Variants in PCDHA1 observed in about 807,000 individuals in gnomAD.
The protein encoded by PCDHA1 is protocadherin alpha 1, also known as protocadherin alpha-1.
Under a neutral mutation model 61.3 loss-of-function variants are expected in PCDHA1, and 42 were observed. The observed-to-expected ratio is 0.69, with a 90% CI of 0.54 to 0.89. PCDHA1 has a LOEUF of 0.89. Ranked by LOEUF, PCDHA1 falls within the 40% of genes least tolerant of loss-of-function variation. The probability of loss-of-function intolerance (pLI) is 0.00; values close to 1 mark genes in which losing one functional copy is unlikely to be tolerated. For missense variants in PCDHA1, 1,256 were observed against 1,235.3 expected, an observed-to-expected ratio of 1.02 and a Z score of -0.25; for synonymous variants, 610 against 553.8, an observed-to-expected ratio of 1.10 and a Z score of -1.43.
intron 3 of PCDHA1, among the ~76,000 whole-genome samples, chr5:140,985,239 A>C (rs2097143502): frequency 6.6e-6 from 1 of 152,008 alleles, no homozygotes; most frequent in South Asian, 2.1e-4. Flanking sequence ...GCCTGGCCTA[A>C]TCTTCTTACT....
At chr5:140,797,183 T>C in intron 1 of PCDHA1, 2 of 1,614,114 alleles carry the variant, frequency 1.2e-6, no homozygotes, top group Non-Finnish European at 1.7e-6. Context: ...CCCACGCTGG[T>C]GTGCTCCAGC....
At chr5:140,894,632 TATC>T (rs1161134901) in intron 1 of PCDHA1, among the ~76,000 whole-genome samples, 1 of 151,990 alleles carries the variant, frequency 6.6e-6, no homozygotes, top group Non-Finnish European at 1.5e-5. Context: ...TCTCCAATCA[TATC>T]ATTACTGAGT....
chr5:140,858,071 C>T (rs782061637), intron 1 of PCDHA1: 1 of 1,597,680 alleles, frequency 6.3e-7, no homozygotes, highest in Admixed American at 1.7e-5. Flanking sequence ...CAGCCAGGCA[C>T]CCAAGGCCTC....
chr5:140,892,172 G>A (rs2063414943), intron 1 of PCDHA1, among the ~76,000 whole-genome samples: 1 of 152,100 alleles, frequency 6.6e-6, no homozygotes, highest in African/African-American at 2.4e-5. Flanking sequence ...CAGTAACTGG[G>A]ATCCTCATGG....
chr5:140,825,122 C>T (rs1554130144), intron 1 of PCDHA1: 1 of 151,522 alleles, frequency 6.6e-6, no homozygotes, highest in African/African-American at 2.4e-5. Context: ...ACTTCCCTAC[C>T]CCCTTAAAAA....
intron 1 of PCDHA1, chr5:140,807,964 A>G: frequency 1.2e-6 from 2 of 1,614,042 alleles, no homozygotes; most frequent in Non-Finnish European, 8.5e-7. Flanking sequence ...CTAATGGAAC[A>G]TTGGTAATTA....
At chr5:140,884,396 C>T (rs2060144550) in intron 1 of PCDHA1, 1 of 1,614,012 alleles carries the variant, frequency 6.2e-7, no homozygotes, top group Middle Eastern at 1.6e-4. Context: ...GGTGTCCAGC[C>T]TGTTGGTGCT....
chr5:140,844,208 T>C (rs1779271586), intron 1 of PCDHA1, among the ~76,000 whole-genome samples: 1 of 149,848 alleles, frequency 6.7e-6, no homozygotes, highest in African/African-American at 2.4e-5. Context: ...TAGTGTCTGG[T>C]AGTCACAAAT....
intron 1 of PCDHA1, among the ~76,000 whole-genome samples, chr5:140,977,625 T>A (rs2096768746): frequency 6.6e-6 from 1 of 152,144 alleles, no homozygotes; most frequent in Non-Finnish European, 1.5e-5. Flanking sequence ...ATCCCAGAGT[T>A]GTAACTTTTT....
At chr5:140,933,773 A>G (rs2089413998) in intron 1 of PCDHA1, among the ~76,000 whole-genome samples, 1 of 152,040 alleles carries the variant, frequency 6.6e-6, no homozygotes, top group South Asian at 2.1e-4. Context: ...CTGTACCTAC[A>G]GTTTTCTTTG....
intron 1 of PCDHA1, chr5:140,801,381 C>A (rs782738715): frequency 6.8e-6 from 11 of 1,613,546 alleles, no homozygotes; most frequent in Non-Finnish European, 9.3e-6. Context: ...GCTGGTGCCG[C>A]GCCTGTTCCG....
rs190376919 is a variant in PCDHA1 at position 140,840,629 on chromosome 5, G to A, written c.2394+51945G>A. Among the ~76,000 whole-genome samples, 4 of 152,140 alleles carry A rather than the reference G, an allele frequency of 2.6e-5. No homozygotes were observed. The East Asian group carries it at 7.7e-4, about 29-fold the overall frequency. On this transcript the variant is annotated intron_variant, in intron 1 of 3. Coordinates refer to ENST00000504120, the MANE Select transcript of PCDHA1 (RefSeq NM_018900.4). ...GAGAGGCTGAATTTAACAAGCTATA[G>A]AGATATAGAGAAATAGTGTAAAGAA...
chr5:140,979,197 T>C (rs954222917), intron 2 of PCDHA1, among the ~76,000 whole-genome samples, 190 bp downstream of exon 2: 2 of 152,214 alleles, frequency 1.3e-5, no homozygotes, highest in Non-Finnish European at 2.9e-5. Flanking sequence ...CAGATGCTTA[T>C]CAAGTGCTGG....
rs2150201609 is a variant in PCDHA1 at position 140,832,441 on chromosome 5, G to A, written c.2394+43757G>A. Among the ~76,000 whole-genome samples the A allele has an allele frequency of 2.6e-4, 40 of 152,204 alleles. No homozygotes were observed. In the East Asian group the frequency reaches 5.8e-3, roughly 22 times the overall value. ...AAGAAGTACATGATAATTTTTAAGC[G>A]TGTAATTAATATTGCACTAAAATTT... On this transcript the variant is annotated intron_variant, in intron 1 of 3. Coordinates refer to ENST00000504120, the MANE Select transcript of PCDHA1 (RefSeq NM_018900.4).
intron 1 of PCDHA1, chr5:140,848,760 C>T (rs2150419620): frequency 6.3e-7 from 1 of 1,593,332 alleles, no homozygotes; most frequent in South Asian, 1.1e-5. Context: ...TGTGAATTCT[C>T]GGATCGACCG....
intron 1 of PCDHA1, among the ~76,000 whole-genome samples, chr5:140,899,785 A>C (rs1460475621): frequency 6.6e-6 from 1 of 152,166 alleles, no homozygotes; most frequent in African/African-American, 2.4e-5. Flanking sequence ...CTCTGGTATA[A>C]TTCGGCTGTG....
At chr5:140,937,866 C>T (rs892440956) in intron 1 of PCDHA1, among the ~76,000 whole-genome samples, 4 of 150,734 alleles carry the variant, frequency 2.7e-5, no homozygotes, top group African/African-American at 4.9e-5. Flanking sequence ...GAGCCGAGAT[C>T]GCGCCACTGC....
rs1310141347 is a variant in PCDHA1, at chr5:140,970,963, T to C, written c.2395-7986T>C. ...TGCTGAGAAACCATGGGAGGCAGAT[T>C]GTAGATTAAGAAAAATGGGGGAATA... On this transcript the variant is annotated intron_variant, in intron 1 of 3. Coordinates refer to ENST00000504120, the MANE Select transcript of PCDHA1 (RefSeq NM_018900.4). Among the ~76,000 whole-genome samples, 41 of 152,180 alleles carry C rather than the reference T, an allele frequency of 2.7e-4. 1 individual carries two copies. Among genetic ancestry groups the C allele is most frequent in the Admixed American group, 2.7e-3 (41 of 15,274 alleles).
chr5:140,822,050 A>C, intron 1 of PCDHA1: 1 of 1,614,182 alleles, frequency 6.2e-7, no homozygotes, highest in South Asian at 1.1e-5. Flanking sequence ...ATCGACCGGG[A>C]GGAGCTGTGC....
Sources: gnomAD v4.1 joint callset for allele counts (sites outside exome capture counted in the v4.1 genomes callset) on GRCh38, gnomAD v4.1.1 for gene constraint, MANE v1.5 for transcripts, NCBI Gene and HGNC (gene_info 2026-07-23, HGNC 2026-07-21) for gene names.